The following MTA1 variants were observed in gnomAD, a reference collection of about 807,000 sequenced individuals.
MTA1 encodes the protein metastasis-associated protein MTA1.
Under a neutral mutation model 97.0 loss-of-function variants are expected in MTA1, and 15 were observed. That is an observed-to-expected ratio of 0.15 (90% CI 0.10 to 0.24). The LOEUF (loss-of-function observed/expected upper bound fraction) is 0.24. Among genes scored for constraint, MTA1 ranks in the 10% least tolerant of loss-of-function variants. The pLI is 1.00. For missense variants in MTA1, 709 were observed against 1,015.1 expected (o/e 0.70, Z 4.10); for synonymous variants, 435 against 417.5 (o/e 1.04, Z -0.51).
rs1555431535 is a variant in MTA1 at position 105,463,459 on chromosome 14, C to G, written c.1018-34C>G. ...CACTGCAGCCCCAACCTGGGCCTAG[C>G]CTGCTGACCTCTGACCTTCTCTTTT... is the stretch of plus-strand genomic sequence containing the variant. On this transcript the variant is annotated intron_variant, in intron 11 of 20. Transcript: ENST00000331320. The surrounding 1 kb of genome is among the most constrained non-coding windows in gnomAD (Gnocchi z 5.9). 1.6e-5 allele frequency: 25 copies of G among 1,611,458 alleles called. No individual in the cohort carries two copies. Among genetic ancestry groups the G allele is most frequent in the Non-Finnish European group, 2.0e-5 (23 of 1,178,472 alleles).
chr14:105,451,018 G>A (rs941525064), intron 6 of MTA1, among the ~76,000 whole-genome samples: 7 of 152,212 alleles, frequency 4.6e-5, no homozygotes, highest in Non-Finnish European at 7.3e-5. Flanking sequence ...AGGGGCAGGC[G>A]CATCTCCAGG....
chr14:105,466,254 T>C, intron 16 of MTA1, 172 bp from the exon 17 acceptor site: 1 of 616,376 alleles, frequency 1.6e-6, no homozygotes, highest in South Asian at 1.9e-5. Flanking sequence ...GGGCTTCTGG[T>C]TCTGTGGTGA....
chr14:105,428,283 T>C (rs1473478011), intron 1 of MTA1, among the ~76,000 whole-genome samples: 1 of 152,154 alleles, frequency 6.6e-6, no homozygotes, highest in Non-Finnish European at 1.5e-5. Flanking sequence ...TGTGGGCTTT[T>C]GAGTCTGGCG....
At chr14:105,442,300 T>C (rs1595332397) in intron 2 of MTA1, among the ~76,000 whole-genome samples, 3 of 152,044 alleles carry the variant, frequency 2.0e-5, no homozygotes. Context: ...ATGAGTGAGG[T>C]TTCCTGACTG....
At chr14:105,454,352 C>A in intron 7 of MTA1, 42 bp downstream of exon 7, 1 of 1,424,184 alleles carries the variant, frequency 7.0e-7, no homozygotes, top group Non-Finnish European at 9.9e-7. Flanking sequence ...CTGTCCTGTC[C>A]TGTCCTGCCG....
rs1445371131 is a variant in MTA1, at chr14:105,419,854, C to G, written c.-182C>G. On this transcript the variant is annotated 5_prime_UTR_variant, in exon 1 of 21. Transcript: ENST00000331320. ...CTTCCTCTCCCGCCCGCGCCGCGGCCCTCCCGTCCCTGCGCGGCCTCGGCG... is the reference window on the plus strand; with the variant it reads ...CTTCCTCTCCCGCCCGCGCCGCGGCGCTCCCGTCCCTGCGCGGCCTCGGCG... 1.2e-5 allele frequency: 2 copies of G among 160,862 alleles called. No homozygotes were observed. The highest frequency in any genetic ancestry group is 2.8e-3 in the Middle Eastern group (1 of 362). 10.0% of individuals were successfully genotyped at this position (160,862 alleles called of 1,614,324 possible). A position where few individuals can be genotyped will look rare whatever the true frequency, so the allele number is the denominator to read the frequency against.
At position 105,420,419 on chromosome 14, in the gene MTA1, C is replaced by T. The variant is rs1217072242; in HGVS notation, c.28+356C>T. ...AGCACGTGGCCTTGGGAGGCGCCGG[C>T]TGCCGGTCTGGGAGCAGGAGTTTTG... is the stretch of plus-strand genomic sequence containing the variant. On this transcript the variant is annotated intron_variant, in intron 1 of 20. Transcript: ENST00000331320. This position sits in a 1 kb window ranked among gnomAD's most constrained non-coding sequence, Gnocchi z 5.3. 1.3e-5 allele frequency among the ~76,000 whole-genome samples: 2 copies of T among 152,168 alleles called. No homozygotes were observed. The highest frequency in any genetic ancestry group is 2.4e-5 in the African/African-American group (1 of 41,546).
intron 16 of MTA1, 186 bp downstream of exon 16, chr14:105,465,369 G>A (rs2083529522): frequency 2.3e-6 from 1 of 432,646 alleles, no homozygotes; most frequent in Non-Finnish European, 4.0e-6. Flanking sequence ...TGGGACCCAG[G>A]CTGCTCCCTG....
At chr14:105,430,098 A>G (rs2082135753) in intron 1 of MTA1, among the ~76,000 whole-genome samples, 1 of 152,078 alleles carries the variant, frequency 6.6e-6, no homozygotes, top group Admixed American at 6.6e-5. Flanking sequence ...TGCATTCACA[A>G]CTGGGCTACC....
At chr14:105,447,247 G>C (rs1292401489) in intron 3 of MTA1, among the ~76,000 whole-genome samples, 2 of 152,212 alleles carry the variant, frequency 1.3e-5, no homozygotes, top group East Asian at 1.9e-4. Flanking sequence ...GCAGTGCCCA[G>C]GCTGAGCGGC....
At chr14:105,433,402 C>T (rs782490963) in intron 1 of MTA1, among the ~76,000 whole-genome samples, 4 of 152,212 alleles carry the variant, frequency 2.6e-5, no homozygotes, top group Non-Finnish European at 4.4e-5. Flanking sequence ...CACCGCGGTA[C>T]GTCACTGTCA....
Position 105,426,199 on chromosome 14 carries a change from C to T in MTA1, c.28+6136C>T, listed in dbSNP as rs763625756. 1.8e-3 allele frequency among the ~76,000 whole-genome samples: 276 copies of T among 152,016 alleles called. 1 individual carries two copies. Among genetic ancestry groups the T allele is most frequent in the Non-Finnish European group, 3.1e-3 (214 of 68,006 alleles). On this transcript the variant is annotated intron_variant, in intron 1 of 20. Coordinates refer to ENST00000331320, the MANE Select transcript of MTA1 (RefSeq NM_004689.4). ...ATGGAGGGGACCACGCGTCCCTTCCCGTCCGTGCCCTGCCAGGCTGTCCTC... is the reference window on the plus strand; with the variant it reads ...ATGGAGGGGACCACGCGTCCCTTCCTGTCCGTGCCCTGCCAGGCTGTCCTC...
At chr14:105,446,448 A>G (rs1185022551) in intron 3 of MTA1, among the ~76,000 whole-genome samples, 4 of 152,016 alleles carry the variant, frequency 2.6e-5, no homozygotes, top group Non-Finnish European at 1.5e-5. Context: ...CACGACCCCT[A>G]ATGGGGTGAG....
chr14:105,454,661 C>T lies in MTA1; in HGVS notation c.550+351C>T, dbSNP rs186167215. 317 of 190,798 alleles carry T rather than the reference C, an allele frequency of 1.7e-3. 1 individual carries two copies. The highest frequency in any genetic ancestry group is 6.4e-3 in the African/African-American group (276 of 43,278). The allele number at this position is 190,798 out of a possible 1,614,324, so 11.8% of individuals were successfully genotyped here. On this transcript the variant is annotated intron_variant, in intron 7 of 20. Coordinates refer to ENST00000331320, the MANE Select transcript of MTA1 (RefSeq NM_004689.4). ...TCGCTCTGTTGCCCAGGCTGGAGTG[C>T]AGTGGGGTGATCTCGGCTCACTGCA... is the stretch of plus-strand genomic sequence containing the variant.
At chr14:105,438,601 G>T in intron 1 of MTA1, 71 bp from the exon 2 acceptor site, 1 of 1,422,154 alleles carries the variant, frequency 7.0e-7, no homozygotes, top group African/African-American at 1.4e-5. Context: ...CCGAGTCCCT[G>T]GGCCACGGGA....
At chr14:105,441,045 G>A (rs587698098) in intron 2 of MTA1, among the ~76,000 whole-genome samples, 1 of 152,352 alleles carries the variant, frequency 6.6e-6, no homozygotes, top group African/African-American at 2.4e-5. Flanking sequence ...CCTGGCCCTG[G>A]CCTGGGTCAG....
intron 6 of MTA1, among the ~76,000 whole-genome samples, chr14:105,452,706 G>A (rs1555429006): frequency 6.6e-6 from 1 of 152,214 alleles, no homozygotes; most frequent in Non-Finnish European, 1.5e-5. Context: ...GATCCAGGCA[G>A]AGTAGGAGCT....
chr14:105,452,768 C>T (rs374849644), intron 6 of MTA1, among the ~76,000 whole-genome samples: 123 of 152,314 alleles, frequency 8.1e-4, no homozygotes, highest in African/African-American at 2.9e-3. Context: ...TTCAAGAGGA[C>T]GAAGGCCCTG....
chr14:105,431,416 C>T (rs2082174685), intron 1 of MTA1, among the ~76,000 whole-genome samples: 2 of 152,062 alleles, frequency 1.3e-5, no homozygotes, highest in Admixed American at 1.3e-4. Flanking sequence ...GCCAGACTGA[C>T]AAAGAAATAG....
Sources: allele counts gnomAD v4.1 joint callset (sites outside exome capture counted in the v4.1 genomes callset), GRCh38; gene constraint gnomAD v4.1.1; non-coding constraint Gnocchi (gnomAD v3.1); transcripts MANE v1.5; gene names NCBI Gene and HGNC (gene_info 2026-07-23, HGNC 2026-07-21).